The following GRID2 variants were observed in gnomAD, a reference collection of about 807,000 sequenced individuals.
GRID2 encodes glutamate ionotropic receptor delta type subunit 2, also known as glutamate receptor ionotropic, delta-2.
Under a neutral mutation model 114.8 loss-of-function variants are expected in GRID2, and 33 were observed. The ratio of observed to expected loss-of-function variants is 0.29; its 90% CI spans 0.22 to 0.38. The LOEUF is 0.38. Ranked by LOEUF, GRID2 falls within the 10% of genes least tolerant of loss-of-function variation. The pLI is 1.00. For synonymous variants in GRID2, 505 were observed against 449.9 expected (o/e 1.12, Z -1.55); for missense variants, 1,184 against 1,257.7 (o/e 0.94, Z 0.89).
chr4:93,615,302 C>A (rs1168905973), intron 13 of GRID2, among the ~76,000 whole-genome samples: 7 of 152,100 alleles, frequency 4.6e-5, no homozygotes, highest in African/African-American at 1.7e-4. Context: ...TCTAAGGTGT[C>A]CACCATTTTT....
intron 2 of GRID2, among the ~76,000 whole-genome samples, chr4:92,773,126 C>G (rs191400079): frequency 7.9e-4 from 121 of 152,234 alleles, no homozygotes; most frequent in Non-Finnish European, 1.3e-3. Context: ...AAATGGAAAG[C>G]CTGCTAATGC....
intron 8 of GRID2, among the ~76,000 whole-genome samples, chr4:93,278,048 A>G (rs1752245459): frequency 6.6e-6 from 1 of 151,968 alleles, no homozygotes; most frequent in South Asian, 2.1e-4. Flanking sequence ...GCATCTGAAG[A>G]AAATGAGCAG....
At chr4:93,764,800 T>C (rs1451554479) in intron 14 of GRID2, among the ~76,000 whole-genome samples, 3 of 152,200 alleles carry the variant, frequency 2.0e-5, no homozygotes, top group Admixed American at 6.5e-5. Context: ...CAGTAACTCT[T>C]TGCTCTCTAT....
chr4:93,009,366 G>T lies in GRID2; in HGVS notation c.245-75629G>T, dbSNP rs118150912. Among the ~76,000 whole-genome samples, 1,272 of 152,216 alleles carry T rather than the reference G, an allele frequency of 8.4e-3. 54 individuals are homozygous for T. Among genetic ancestry groups the T allele is most frequent in the Admixed American group, 0.062 (950 of 15,280 alleles). The stretch of plus-strand genomic sequence containing the variant: ...CGGAGTGAAAAATAATCAGGGTCTG[G>T]TGAGAGGATAGATAGAAGGATGCTC... On this transcript the variant is annotated intron_variant, in intron 2 of 15. Coordinates refer to ENST00000282020, the MANE Select transcript of GRID2 (RefSeq NM_001510.4).
chr4:93,300,936 C>G (rs1035695138), intron 8 of GRID2, among the ~76,000 whole-genome samples: 13 of 152,324 alleles, frequency 8.5e-5, no homozygotes, highest in African/African-American at 3.1e-4. Flanking sequence ...TTCTTCTACA[C>G]AATGTCTGGA....
intron 1 of GRID2, among the ~76,000 whole-genome samples, chr4:92,498,383 C>T (rs1458824729): frequency 6.6e-6 from 1 of 151,542 alleles, no homozygotes; most frequent in East Asian, 1.9e-4. Flanking sequence ...CATATATGTG[C>T]CAAGTATGTT....
At chr4:93,100,269 A>T (rs987012808) in intron 3 of GRID2, among the ~76,000 whole-genome samples, 9 of 151,902 alleles carry the variant, frequency 5.9e-5, no homozygotes, top group Non-Finnish European at 1.3e-4. Flanking sequence ...GCTATTATCA[A>T]ATAGAAATTC....
intron 2 of GRID2, among the ~76,000 whole-genome samples, chr4:92,955,409 G>A (rs1030153851): frequency 6.6e-6 from 1 of 152,128 alleles, no homozygotes; most frequent in African/African-American, 2.4e-5. Flanking sequence ...CTGCATAAAT[G>A]TCTTCTTTTG....
intron 1 of GRID2, among the ~76,000 whole-genome samples, chr4:93,805,996 C>A (rs767785284): frequency 6.6e-5 from 10 of 152,134 alleles, no homozygotes; most frequent in Admixed American, 1.3e-4. Flanking sequence ...ACTCGGGAAG[C>A]TGAGACATAA....
intron 8 of GRID2, among the ~76,000 whole-genome samples, chr4:93,266,763 C>G (rs911832641): frequency 6.6e-6 from 1 of 152,142 alleles, no homozygotes; most frequent in Non-Finnish European, 1.5e-5. Context: ...TCTCTTTCCT[C>G]TTGAGTCTAG....
rs111527042 is a variant in GRID2 at position 93,348,256 on chromosome 4, T to A, written c.1246-47351T>A. Among the ~76,000 whole-genome samples, 687 of 152,296 alleles carry A rather than the reference T, an allele frequency of 4.5e-3. 9 individuals are homozygous for A. The highest frequency in any genetic ancestry group is 6.2e-3 in the Non-Finnish European group (420 of 68,026). On this transcript the variant is annotated intron_variant, in intron 8 of 15. Coordinates refer to ENST00000282020, the MANE Select transcript of GRID2 (RefSeq NM_001510.4). ...GTCAAACTATGCTGACAAAAATCATTACTCACTTCATACACATGTTATTGA... is the reference window on the plus strand; with the variant it reads ...GTCAAACTATGCTGACAAAAATCATAACTCACTTCATACACATGTTATTGA...
intron 2 of GRID2, among the ~76,000 whole-genome samples, chr4:93,025,136 G>A (rs930326068): frequency 6.6e-6 from 1 of 151,112 alleles, no homozygotes; most frequent in Non-Finnish European, 1.5e-5. Flanking sequence ...GGGAGGGAGA[G>A]AGGTAAAGAG....
intron 4 of GRID2, among the ~76,000 whole-genome samples, chr4:93,201,517 C>G (rs1371122437): frequency 6.6e-6 from 1 of 152,196 alleles, no homozygotes; most frequent in Non-Finnish European, 1.5e-5. Context: ...GGGAAGCAAA[C>G]ACCTGATATC....
At chr4:93,322,010 G>T (rs1186732246) in intron 8 of GRID2, among the ~76,000 whole-genome samples, 3 of 149,064 alleles carry the variant, frequency 2.0e-5, no homozygotes, top group Non-Finnish European at 1.5e-5. Context: ...CTTTCTTCCT[G>T]CATTTTCTGG....
rs76968647 is a variant in GRID2 at position 92,497,074 on chromosome 4, G to A, written c.89-93057G>A. 1.6e-3 allele frequency among the ~76,000 whole-genome samples: 239 copies of A among 151,480 alleles called. 1 individual carries two copies. Among genetic ancestry groups the A allele is most frequent in the Non-Finnish European group, 2.5e-3 (167 of 67,608 alleles). The stretch of plus-strand genomic sequence containing the variant: ...GTCCTTAGTTCAAAGATTACTTTTA[G>A]TCTTCTTTTACAAATAAAAGCAATA... On this transcript the variant is annotated intron_variant, in intron 1 of 15. Coordinates refer to ENST00000282020, the MANE Select transcript of GRID2 (RefSeq NM_001510.4).
intron 2 of GRID2, among the ~76,000 whole-genome samples, chr4:93,043,889 T>A (rs2149272328): frequency 6.6e-6 from 1 of 151,932 alleles, no homozygotes; most frequent in East Asian, 1.9e-4. Context: ...GTTGTGCACA[T>A]GTACCCTAGA....
At chr4:92,560,358 T>C (rs978648044) in intron 1 of GRID2, among the ~76,000 whole-genome samples, 1 of 152,158 alleles carries the variant, frequency 6.6e-6, no homozygotes, top group African/African-American at 2.4e-5. Flanking sequence ...TATTATGAGG[T>C]CAATGAGTAA....
At chr4:93,656,529 T>C (rs1054416788) in intron 14 of GRID2, among the ~76,000 whole-genome samples, 1 of 152,012 alleles carries the variant, frequency 6.6e-6, no homozygotes, top group African/African-American at 2.4e-5. Context: ...TGTAAATACC[T>C]ATATCAAATA....
intron 4 of GRID2, among the ~76,000 whole-genome samples, chr4:93,175,516 A>G (rs1163825818): frequency 6.6e-6 from 1 of 152,118 alleles, no homozygotes; most frequent in East Asian, 1.9e-4. Flanking sequence ...GCCTTACTAG[A>G]TTTTTGAAAA....
Sources: allele counts gnomAD v4.1 joint callset (sites outside exome capture counted in the v4.1 genomes callset), GRCh38; gene constraint gnomAD v4.1.1; transcripts MANE v1.5; gene names NCBI Gene and HGNC (gene_info 2026-07-23, HGNC 2026-07-21).